Variants in KLF9 observed in about 807,000 individuals in gnomAD.
The protein encoded by KLF9 is Krueppel-like factor 9.
Under a neutral mutation model 17.3 loss-of-function variants are expected in KLF9, and 2 were observed. That is an observed-to-expected ratio of 0.12 (90% CI 0.05 to 0.36). The LOEUF (loss-of-function observed/expected upper bound fraction) is 0.36, where lower values mean the gene tolerates loss of function less well. KLF9 is among the 10% of genes least tolerant of loss of function. The pLI is 1.00. For synonymous variants in KLF9, 138 were observed against 139.2 expected (o/e 0.99, Z 0.06); for missense variants, 226 against 333.2 (o/e 0.68, Z 2.51).
chr9:70,401,219 G>A (rs1376620550), intron 1 of KLF9, among the ~76,000 whole-genome samples: 2 of 151,184 alleles, frequency 1.3e-5, no homozygotes, highest in African/African-American at 4.9e-5. Flanking sequence ...ATGGTGGTGC[G>A]TGCCTGTGGT....
chr9:70,391,939 A>G (rs1277344464), intron 1 of KLF9, among the ~76,000 whole-genome samples: 1 of 152,274 alleles, frequency 6.6e-6, no homozygotes, highest in African/African-American at 2.4e-5. Flanking sequence ...AGTGTTGAGC[A>G]GTTGCCCACA....
intron 1 of KLF9, among the ~76,000 whole-genome samples, chr9:70,402,083 A>G (rs2037226093): frequency 6.6e-6 from 1 of 152,206 alleles, no homozygotes. Context: ...GAAATGCCTC[A>G]GGTTAGAGAA....
In KLF9 at chr9:70,411,799, C is replaced by T. The variant is rs934837512; in HGVS notation, c.505+1060G>A. Among the ~76,000 whole-genome samples the T allele has an allele frequency of 2.0e-5, 3 of 152,152 alleles. No homozygotes were observed. The East Asian group carries it at 5.8e-4, about 29-fold the overall frequency. On this transcript the variant is annotated intron_variant, in intron 1 of 1. Coordinates refer to ENST00000377126, the MANE Select transcript of KLF9 (RefSeq NM_001206.4). ...CAATACCCTCTCAAACACGGTGTCA[C>T]AAGACAGAGGCAAAAGGCTTATCTG...
At chr9:70,406,650 GT>G (rs530040334) in intron 1 of KLF9, among the ~76,000 whole-genome samples, 1 of 152,098 alleles carries the variant, frequency 6.6e-6, no homozygotes, top group Non-Finnish European at 1.5e-5. Context: ...CATCTGTGGG[GT>G]TTTTTTCTTC....
At position 70,412,924 on chromosome 9, in the gene KLF9, T is replaced by A. The variant is rs747426976; in HGVS notation, c.440A>T (p.Tyr147Phe). The change falls in exon 1 of 2, where the codon TAC becomes TTC. Residue 147 changes from tyrosine (Y) to phenylalanine (F), a missense_variant. Coordinates refer to ENST00000377126, the MANE Select transcript of KLF9 (RefSeq NM_001206.4). ...HASEKRHKCP[Y>F]SGCGKVYGKS... ...TCCATAGACTTTCCCACAGCCACTGTAGGGGCACTTGTGCCTCTTTTCGGA... is the reference window on the plus strand; with the variant it reads ...TCCATAGACTTTCCCACAGCCACTGAAGGGGCACTTGTGCCTCTTTTCGGA... 2 of 1,613,922 alleles carry A rather than the reference T, an allele frequency of 1.2e-6. No individual in the cohort carries two copies. Among genetic ancestry groups the A allele is most frequent in the Non-Finnish European group, 1.7e-6 (2 of 1,179,870 alleles).
intron 1 of KLF9, among the ~76,000 whole-genome samples, chr9:70,408,925 C>G (rs1458287873): frequency 6.7e-6 from 1 of 148,942 alleles, no homozygotes; most frequent in Non-Finnish European, 1.5e-5. Context: ...CAGAAGCCGC[C>G]ACTCCGGGCT....
intron 1 of KLF9, among the ~76,000 whole-genome samples, chr9:70,400,673 C>A (rs1445232425): frequency 6.6e-6 from 1 of 152,148 alleles, no homozygotes; most frequent in Admixed American, 6.5e-5. Flanking sequence ...AAAAGTGATG[C>A]CACTCCAGCA....
intron 1 of KLF9, among the ~76,000 whole-genome samples, chr9:70,391,929 A>G (rs1208786171): frequency 6.6e-6 from 1 of 152,254 alleles, no homozygotes; most frequent in Non-Finnish European, 1.5e-5. Context: ...TCAAAACAGC[A>G]GTGTTGAGCA....
intron 1 of KLF9, among the ~76,000 whole-genome samples, chr9:70,390,632 T>TACACACAC (rs375788345): frequency 0.021 from 3,227 of 150,990 alleles, 97 homozygotes; most frequent in African/African-American, 0.074. Context: ...GCTCAAACTT[T>TACACACAC]ACACACACAC....
rs1023632283 is a variant in KLF9, at chr9:70,412,967, C to T, written c.397G>A (p.Ala133Thr). The change falls in exon 1 of 2, where the codon GCG (alanine) becomes ACG (threonine). Residue 133 changes from alanine to threonine, a missense_variant. Transcript: ENST00000377126. ...PLSLLHPGVA[A>T]KGKHASEKRH... Reference sequence around the variant, plus strand: ...TTTTCGGAGGCGTGTTTCCCCTTCGCAGCCACTCCAGGATGGAGGAGGGAG... The same window carrying T: ...TTTTCGGAGGCGTGTTTCCCCTTCGTAGCCACTCCAGGATGGAGGAGGGAG... 6.2e-7 allele frequency: 1 copy of T among 1,614,186 alleles called. No individual in the cohort carries two copies. The highest frequency in any genetic ancestry group is 1.3e-5 in the African/African-American group (1 of 75,044).
chr9:70,389,918 A>G (rs1194520364), intron 1 of KLF9, among the ~76,000 whole-genome samples: 3 of 152,206 alleles, frequency 2.0e-5, no homozygotes, highest in African/African-American at 7.2e-5. Flanking sequence ...GCTAGGTGTG[A>G]GGAGTGAATA....
chr9:70,392,459 T>C (rs2037158481), intron 1 of KLF9, among the ~76,000 whole-genome samples: 1 of 152,052 alleles, frequency 6.6e-6, no homozygotes, highest in African/African-American at 2.4e-5. Flanking sequence ...CTTTGAAAAA[T>C]CTCCCACCTT....
In KLF9 at chr9:70,386,683, C is replaced by T. The variant is rs2037112619; in HGVS notation, c.*1093G>A. On this transcript the variant is annotated 3_prime_UTR_variant, in exon 2 of 2. Transcript: ENST00000377126. The stretch of plus-strand genomic sequence containing the variant: ...AAATAAAACCCAACAGAGTCAAAAG[C>T]TCTCTCCCCTAGTGGCATTAGGATA... The T allele has an allele frequency of 6.6e-6, 1 of 152,580 alleles. No individual in the cohort carries two copies. Among genetic ancestry groups the T allele is most frequent in the Admixed American group, 6.5e-5 (1 of 15,284 alleles). The allele number at this position is 152,580 out of a possible 1,614,324, so 9.5% of individuals were successfully genotyped here. A position where few individuals can be genotyped will look rare whatever the true frequency, so the allele number is the denominator to read the frequency against.
In KLF9 at chr9:70,413,491, C is replaced by A; in HGVS notation, c.-128G>T. The A allele has an allele frequency of 1.0e-6, 1 of 996,940 alleles. No homozygotes were observed. Among genetic ancestry groups the A allele is most frequent in the Non-Finnish European group, 1.3e-6 (1 of 787,536 alleles). The allele number at this position is 996,940 out of a possible 1,614,324, so 61.8% of individuals were successfully genotyped here. A position where few individuals can be genotyped will look rare whatever the true frequency, so the allele number is the denominator to read the frequency against. On this transcript the variant is annotated 5_prime_UTR_variant, in exon 1 of 2. Coordinates refer to ENST00000377126, the MANE Select transcript of KLF9 (RefSeq NM_001206.4). The surrounding 1 kb of genome is among the most constrained non-coding windows in gnomAD (Gnocchi z 5.6). ...CGGCACGGCGCGGCGGCCAAGGGGG[C>A]GGGGGCGCGGGGCGCTTCCGACTCG... is the stretch of plus-strand genomic sequence containing the variant.
In KLF9 at chr9:70,412,978, G is replaced by A. The variant is rs1235004897; in HGVS notation, c.386C>T (p.Pro129Leu). 1.2e-6 allele frequency: 2 copies of A among 1,614,194 alleles called. No individual in the cohort carries two copies. Among genetic ancestry groups the A allele is most frequent in the Non-Finnish European group, 1.7e-6 (2 of 1,180,034 alleles). Reference protein sequence around the residue: ...SAPSPLSLLHPGVAAKGKHAS... With the variant: ...SAPSPLSLLHLGVAAKGKHAS... Reference sequence around the variant, plus strand: ...GTGTTTCCCCTTCGCAGCCACTCCAGGATGGAGGAGGGAGAGCGGGCTGGG... The same window carrying A: ...GTGTTTCCCCTTCGCAGCCACTCCAAGATGGAGGAGGGAGAGCGGGCTGGG... Residue 129 changes from proline (P) to leucine (L), a missense_variant, in exon 1 of 2, where the codon CCT (proline) becomes CTT (leucine). Physicochemically the swap from Pro to Leu is moderately conservative, Grantham distance 98. Transcript: ENST00000377126.
chr9:70,387,454 C>T lies in KLF9; in HGVS notation c.*322G>A, dbSNP rs1396549268. The stretch of plus-strand genomic sequence containing the variant: ...CCCCCCACCCACTCCCTACCCTCCC[C>T]CGCAAAAAAATAAAAGGAGAAAAAA... On this transcript the variant is annotated 3_prime_UTR_variant, in exon 2 of 2. Coordinates refer to ENST00000377126, the MANE Select transcript of KLF9 (RefSeq NM_001206.4). 5.6e-6 allele frequency: 1 copy of T among 177,352 alleles called. No homozygotes were observed. Among genetic ancestry groups the T allele is most frequent in the African/African-American group, 2.5e-5 (1 of 40,012 alleles). 11.0% of individuals were successfully genotyped at this position (177,352 alleles called of 1,614,324 possible). A position where few individuals can be genotyped will look rare whatever the true frequency, so the allele number is the denominator to read the frequency against.
At chr9:70,405,916 G>A (rs1012513283) in intron 1 of KLF9, among the ~76,000 whole-genome samples, 1 of 152,142 alleles carries the variant, frequency 6.6e-6, no homozygotes, top group Non-Finnish European at 1.5e-5. Context: ...GTTTCAGGAC[G>A]ATTCCAGGTA....
At chr9:70,392,833 A>T (rs969804281) in intron 1 of KLF9, among the ~76,000 whole-genome samples, 1 of 152,160 alleles carries the variant, frequency 6.6e-6, no homozygotes, top group African/African-American at 2.4e-5. Flanking sequence ...TCAATTAGAG[A>T]ATCTTTAAAC....
intron 1 of KLF9, among the ~76,000 whole-genome samples, chr9:70,393,840 G>A (rs140433543): frequency 1.9e-3 from 285 of 152,154 alleles, no homozygotes; most frequent in African/African-American, 6.6e-3. Context: ...GGGCAATGTG[G>A]TGAAACCCCA....
Sources: gnomAD v4.1 joint callset for allele counts (sites outside exome capture counted in the v4.1 genomes callset) on GRCh38, gnomAD v4.1.1 for gene constraint, Gnocchi (gnomAD v3.1) non-coding constraint, MANE v1.5 for transcripts, NCBI Gene and HGNC (gene_info 2026-07-23, HGNC 2026-07-21) for gene names.